The following PCDH11Y variants were observed in gnomAD, a reference collection of about 807,000 sequenced individuals.
PCDH11Y encodes the protein protocadherin 11 Y-linked, also known as protocadherin-11 Y-linked.
For synonymous variants in PCDH11Y, 9 were observed against 83.6 expected, an observed-to-expected ratio of 0.11 and a Z score of 4.87; for missense variants, 12 against 224.8, an observed-to-expected ratio of 0.05 and a Z score of 6.05.
intron 2 of PCDH11Y, among the ~76,000 whole-genome samples, chrY:5,174,426 G>T: frequency 3.3e-5 from 1 of 30,110 alleles, no homozygotes; most frequent in African/African-American, 1.3e-4. Context: ...GTTAGAGTGT[G>T]CTTTAAATAA....
chrY:5,664,128 C>G (rs2124707527), intron 4 of PCDH11Y, among the ~76,000 whole-genome samples: 1 of 32,956 alleles, frequency 3.0e-5, no homozygotes, highest in Non-Finnish European at 7.5e-5. Context: ...ATTGATATAT[C>G]CAGATTCAAG....
intron 1 of PCDH11Y, among the ~76,000 whole-genome samples, chrY:5,022,150 C>A: frequency 3.1e-5 from 1 of 32,444 alleles, no homozygotes; most frequent in Non-Finnish European, 7.5e-5. Context: ...ACCCTTTCTA[C>A]TGCTATCATT....
chrY:5,167,429 C>T (rs2052880630), intron 2 of PCDH11Y, among the ~76,000 whole-genome samples: 2 of 30,361 alleles, frequency 6.6e-5, no homozygotes, highest in South Asian at 7.5e-4. Flanking sequence ...CCAATAAACT[C>T]GGTGAGAGCC....
intron 2 of PCDH11Y, among the ~76,000 whole-genome samples, chrY:5,415,593 G>A: frequency 3.5e-5 from 1 of 28,362 alleles, no homozygotes; most frequent in Admixed American, 3.2e-4. Flanking sequence ...CGCTCAGGGT[G>A]GACTGACTGG....
At chrY:5,308,776 T>G in intron 2 of PCDH11Y, among the ~76,000 whole-genome samples, 1 of 33,512 alleles carries the variant, frequency 3.0e-5, no homozygotes, top group South Asian at 6.6e-4. Context: ...ATAGTCTAGT[T>G]TTTGAAAATT....
intron 2 of PCDH11Y, among the ~76,000 whole-genome samples, chrY:5,329,954 C>T: frequency 3.0e-5 from 1 of 33,272 alleles, no homozygotes; most frequent in Non-Finnish European, 7.4e-5. Flanking sequence ...GGAGGTCCCC[C>T]GATCCGAGTC....
intron 3 of PCDH11Y, among the ~76,000 whole-genome samples, chrY:5,548,974 A>G: frequency 3.1e-5 from 1 of 32,452 alleles, no homozygotes; most frequent in Non-Finnish European, 7.6e-5. Context: ...ACACACTCAA[A>G]TACACAGACC....
intron 2 of PCDH11Y, among the ~76,000 whole-genome samples, chrY:5,305,277 T>C: frequency 3.0e-5 from 1 of 33,485 alleles, no homozygotes; most frequent in Admixed American, 2.8e-4. Flanking sequence ...ATACAAGTTT[T>C]TTCAATACAA....
At chrY:5,049,356 A>G in intron 3 of PCDH11Y, among the ~76,000 whole-genome samples, 1 of 28,815 alleles carries the variant, frequency 3.5e-5, no homozygotes, top group Admixed American at 3.3e-4. Context: ...TGCCTTGACT[A>G]TTTGGGGTCT....
At chrY:5,063,627 A>G in intron 1 of PCDH11Y, among the ~76,000 whole-genome samples, 2 of 32,793 alleles carry the variant, frequency 6.1e-5, no homozygotes, top group African/African-American at 2.4e-4. Flanking sequence ...GACCAAATAA[A>G]TTGCTTTGAC....
chrY:5,345,015 T>G (rs1602908583), intron 2 of PCDH11Y, among the ~76,000 whole-genome samples: 166 of 35,094 alleles, frequency 4.7e-3, no homozygotes, highest in Admixed American at 0.015. Flanking sequence ...GAGATAAGTA[T>G]GGTGAAAATG....
At chrY:5,592,301 T>A in intron 4 of PCDH11Y, among the ~76,000 whole-genome samples, 1 of 33,233 alleles carries the variant, frequency 3.0e-5, no homozygotes, top group Non-Finnish European at 7.4e-5. Flanking sequence ...TTTCTATATT[T>A]GTTGGTTGAA....
At chrY:5,641,334 A>G in intron 4 of PCDH11Y, among the ~76,000 whole-genome samples, 1 of 33,584 alleles carries the variant, frequency 3.0e-5, no homozygotes, top group Non-Finnish European at 7.4e-5. Flanking sequence ...TTGGTGCAAG[A>G]GGTCTAGCTT....
chrY:5,337,030 A>T, intron 2 of PCDH11Y, among the ~76,000 whole-genome samples: 1 of 33,167 alleles, frequency 3.0e-5, no homozygotes, highest in Non-Finnish European at 7.4e-5. Context: ...GACAATTTCA[A>T]TAGGCATGTT....
At chrY:5,507,551 G>T in intron 3 of PCDH11Y, among the ~76,000 whole-genome samples, 1 of 33,041 alleles carries the variant, frequency 3.0e-5, no homozygotes, top group African/African-American at 1.2e-4. Context: ...TTTTATTTGG[G>T]TGACAGTCTC....
At chrY:5,489,227 A>G in intron 2 of PCDH11Y, among the ~76,000 whole-genome samples, 1 of 25,258 alleles carries the variant, frequency 4.0e-5, no homozygotes, top group Non-Finnish European at 9.2e-5. Context: ...TTATCCACAG[A>G]TAATTTCGTA....
At chrY:5,003,807 T>G in intron 1 of PCDH11Y, among the ~76,000 whole-genome samples, 1 of 33,291 alleles carries the variant, frequency 3.0e-5, no homozygotes, top group Non-Finnish European at 7.4e-5. Flanking sequence ...CAATTCCTTC[T>G]TTAGCTTTGG....
intron 3 of PCDH11Y, among the ~76,000 whole-genome samples, chrY:5,045,882 C>G: frequency 3.0e-5 from 1 of 32,876 alleles, no homozygotes. Flanking sequence ...TCGCTGATAC[C>G]CTTTCTTCCA....
At chrY:5,419,117 TTGAC>T (rs2053255642) in intron 2 of PCDH11Y, among the ~76,000 whole-genome samples, 1 of 33,569 alleles carries the variant, frequency 3.0e-5, no homozygotes, top group South Asian at 6.6e-4. Flanking sequence ...AACTGTTACT[TTGAC>T]TGATTCCTCT....
Sources: gnomAD v4.1 joint callset for allele counts (sites outside exome capture counted in the v4.1 genomes callset) on GRCh38, gnomAD v4.1.1 for gene constraint, MANE v1.5 for transcripts, NCBI Gene and HGNC (gene_info 2026-07-23, HGNC 2026-07-21) for gene names.